Variants in HMCES observed in about 807,000 individuals in gnomAD.
The protein encoded by HMCES is abasic site processing protein HMCES.
HMCES carries 27 observed loss-of-function variants against 35.1 expected under a neutral mutation model. That is an observed-to-expected ratio of 0.77 (90% CI 0.57 to 1.06). The LOEUF is 1.06. Among genes scored for constraint, HMCES ranks in the 50% least tolerant of loss-of-function variants. The probability of loss-of-function intolerance (pLI) is 0.00; values close to 1 mark genes in which losing one functional copy is unlikely to be tolerated. For missense variants in HMCES, 391 were observed against 430.4 expected (o/e 0.91, Z 0.81); for synonymous variants, 130 against 154.7 (o/e 0.84, Z 1.18).
At chr3:129,288,819 T>G in intron 2 of HMCES, 35 bp from the exon 3 acceptor site, 2 of 1,417,286 alleles carry the variant, frequency 1.4e-6, no homozygotes, top group Non-Finnish European at 1.9e-6. Context: ...AGAATTTCAT[T>G]ATGATCTCCT....
intron 5 of HMCES, among the ~76,000 whole-genome samples, chr3:129,301,657 G>A (rs1334463866): frequency 6.6e-6 from 1 of 152,190 alleles, no homozygotes. Flanking sequence ...CTAGGCTGGG[G>A]TGTCATAGAA....
rs1020170403 is a variant in HMCES at position 129,305,752 on chromosome 3, G to C, written c.*927G>C. 4.6e-5 allele frequency: 7 copies of C among 152,342 alleles called. No homozygotes were observed. The highest frequency in any genetic ancestry group is 1.7e-4 in the African/African-American group (7 of 41,454). The allele number at this position is 152,342 out of a possible 1,614,324, so 9.4% of individuals were successfully genotyped here. On this transcript the variant is annotated 3_prime_UTR_variant, in exon 7 of 7. Coordinates refer to ENST00000383463, the MANE Select transcript of HMCES (RefSeq NM_020187.3). ...TTGGCGTTGGCCGATTGCTGCTGGT[G>C]GGGGGCGGGGGTGCAGGCCCCAGTC... is the stretch of plus-strand genomic sequence containing the variant.
At chr3:129,291,069 G>A (rs2071009397) in intron 4 of HMCES, among the ~76,000 whole-genome samples, 1 of 152,064 alleles carries the variant, frequency 6.6e-6, no homozygotes, top group Non-Finnish European at 1.5e-5. Context: ...GGGCATGGTG[G>A]TGTGTGCCTG....
chr3:129,297,546 A>G lies in HMCES; in HGVS notation c.454-808A>G, dbSNP rs769584835. ...CTGCCCTGTGCCGTCTTTTTCGAGC[A>G]CTGGCAAAGTCCAAGGAGAAAAGCC... On this transcript the variant is annotated intron_variant, in intron 4 of 6. Coordinates refer to ENST00000383463, the MANE Select transcript of HMCES (RefSeq NM_020187.3). Among the ~76,000 whole-genome samples, 27 of 152,160 alleles carry G rather than the reference A, an allele frequency of 1.8e-4. 1 individual carries two copies. The highest frequency in any genetic ancestry group is 1.8e-3 in the Admixed American group (27 of 15,278).
intron 5 of HMCES, among the ~76,000 whole-genome samples, chr3:129,299,328 G>A (rs1190272541): frequency 1.3e-5 from 2 of 152,144 alleles, no homozygotes; most frequent in Admixed American, 1.3e-4. Context: ...AAATCCTGGG[G>A]CACAGTTTTC....
At position 129,289,002 on chromosome 3, in the gene HMCES, G is replaced by T. The variant is rs1260125832; in HGVS notation, c.327+5G>T. 3 of 1,549,908 alleles carry T rather than the reference G, an allele frequency of 1.9e-6. No homozygotes were observed. Among genetic ancestry groups the T allele is most frequent in the South Asian group, 1.2e-5 (1 of 84,886 alleles). On this transcript the variant is annotated splice_donor_5th_base_variant and intron_variant, in intron 3 of 6. Transcript: ENST00000383463. ...ATGGAGAAACGGTCATTTAAGGTAGGTGGCTGGTAGCTATTAGTGCCCCGT... is the reference window on the plus strand; with the variant it reads ...ATGGAGAAACGGTCATTTAAGGTAGTTGGCTGGTAGCTATTAGTGCCCCGT...
intron 4 of HMCES, among the ~76,000 whole-genome samples, chr3:129,297,968 A>G (rs764925403): frequency 2.0e-5 from 3 of 152,202 alleles, no homozygotes; most frequent in Non-Finnish European, 4.4e-5. Context: ...CAATTAAGAA[A>G]GGGTGGGAAG....
intron 6 of HMCES, among the ~76,000 whole-genome samples, chr3:129,302,952 C>T (rs62266910): frequency 0.13 from 19,229 of 152,020 alleles, 1,713 homozygotes; most frequent in Non-Finnish European, 0.17. Context: ...GAGCCCTTGA[C>T]CATATTGTTT....
At chr3:129,287,524 T>C (rs1940670340) in intron 2 of HMCES, among the ~76,000 whole-genome samples, 1 of 152,104 alleles carries the variant, frequency 6.6e-6, no homozygotes, top group Non-Finnish European at 1.5e-5. Context: ...GTAGGCACTC[T>C]ACCAGATACC....
chr3:129,280,691 G>A (rs1940449686), intron 2 of HMCES, among the ~76,000 whole-genome samples: 1 of 152,014 alleles, frequency 6.6e-6, no homozygotes, highest in Non-Finnish European at 1.5e-5. Context: ...CTTTTACTAA[G>A]GCTAGAAACA....
intron 5 of HMCES, among the ~76,000 whole-genome samples, chr3:129,300,302 C>T (rs1446028973): frequency 6.6e-6 from 1 of 151,932 alleles, no homozygotes; most frequent in Non-Finnish European, 1.5e-5. Context: ...TGGCTCAGTT[C>T]ATCTGGGTGC....
At chr3:129,301,725 A>G (rs900669462) in intron 5 of HMCES, among the ~76,000 whole-genome samples, 2 of 152,126 alleles carry the variant, frequency 1.3e-5, no homozygotes, top group African/African-American at 4.8e-5. Flanking sequence ...AGTACTCTTC[A>G]CTGTCTTTGC....
intron 2 of HMCES, among the ~76,000 whole-genome samples, chr3:129,280,909 G>A (rs1434885223): frequency 2.0e-5 from 3 of 152,138 alleles, no homozygotes; most frequent in Admixed American, 2.0e-4. Flanking sequence ...TATTTTAAAT[G>A]ACCTTGACAT....
Position 129,279,584 on chromosome 3 carries a change from A to G in HMCES, c.-23-126A>G, listed in dbSNP as rs1224334585. 1 of 903,984 alleles carries G rather than the reference A, an allele frequency of 1.1e-6. No individual in the cohort carries two copies. The highest frequency in any genetic ancestry group is 1.7e-6 in the Non-Finnish European group (1 of 601,640). The allele number at this position is 903,984 out of a possible 1,614,324, so 56.0% of individuals were successfully genotyped here. A position where few individuals can be genotyped will look rare whatever the true frequency, so the allele number is the denominator to read the frequency against. ...TTGTCTTTGTGGGACTTTTTGGGGA[A>G]GACTTTAGACGGTGGTCACGGAGGG... On this transcript the variant is annotated intron_variant, in intron 1 of 6. Transcript: ENST00000383463. The surrounding 1 kb of genome is among the most constrained non-coding windows in gnomAD (Gnocchi z 4.2).
intron 5 of HMCES, among the ~76,000 whole-genome samples, chr3:129,301,040 AAATT>A (rs974383559): frequency 6.6e-6 from 1 of 150,824 alleles, no homozygotes. Flanking sequence ...CAAAAAAAAA[AAATT>A]AGCCGGGCAT....
chr3:129,286,853 T>A (rs1441509227), intron 2 of HMCES, among the ~76,000 whole-genome samples: 3 of 152,196 alleles, frequency 2.0e-5, no homozygotes, highest in African/African-American at 7.2e-5. Context: ...TACTGTGCCA[T>A]GCAGAATAAT....
In HMCES at chr3:129,302,160, G is replaced by T. The variant is rs754164160; in HGVS notation, c.828+18G>T. ...TCAAAAAGGTAGGGGCCTGTGACTG[G>T]TACAGTCCTTTTTGAGCTTTCTGTC... On this transcript the variant is annotated intron_variant, in intron 6 of 6. Transcript: ENST00000383463. 11 of 1,573,962 alleles carry T rather than the reference G, an allele frequency of 7.0e-6. No individual in the cohort carries two copies. In the South Asian group the frequency reaches 1.3e-4, roughly 18 times the overall value.
intron 5 of HMCES, among the ~76,000 whole-genome samples, chr3:129,300,094 C>G (rs963504197): frequency 2.6e-5 from 4 of 151,164 alleles, no homozygotes; most frequent in Admixed American, 2.6e-4. Context: ...AAAATGTCTC[C>G]ATTCACATGC....
intron 5 of HMCES, among the ~76,000 whole-genome samples, chr3:129,299,146 T>C (rs1159182327): frequency 6.6e-6 from 1 of 152,210 alleles, no homozygotes; most frequent in Non-Finnish European, 1.5e-5. Flanking sequence ...AGATTCCATC[T>C]CAATAAATAC....
Sources: allele counts gnomAD v4.1 joint callset (sites outside exome capture counted in the v4.1 genomes callset), GRCh38; gene constraint gnomAD v4.1.1; non-coding constraint Gnocchi (gnomAD v3.1); transcripts MANE v1.5; gene names NCBI Gene and HGNC (gene_info 2026-07-23, HGNC 2026-07-21).